LYN: variants seen among roughly 807,000 people sequenced by gnomAD.
The protein encoded by LYN is LYN proto-oncogene, Src family tyrosine kinase.
In LYN, 12 loss-of-function variants were observed where a neutral mutation model predicts 65.0. The observed-to-expected ratio is 0.18, with a 90% CI of 0.12 to 0.30. LYN has a LOEUF of 0.30. Ranked by LOEUF, LYN falls within the 10% of genes least tolerant of loss-of-function variation. LYN has a pLI of 1.00. For missense variants in LYN, 380 were observed against 623.2 expected, an observed-to-expected ratio of 0.61 and a Z score of 4.16; for synonymous variants, 222 against 221.2, an observed-to-expected ratio of 1.00 and a Z score of -0.03.
intron 1 of LYN, among the ~76,000 whole-genome samples, chr8:55,888,078 A>C (rs1804853998): frequency 6.6e-6 from 1 of 152,174 alleles, no homozygotes; most frequent in Non-Finnish European, 1.5e-5. Flanking sequence ...ATGCGCTGTA[A>C]ATGTTGTAAA....
intron 3 of LYN, among the ~76,000 whole-genome samples, chr8:55,947,008 GA>G (rs1192909251): frequency 4.6e-5 from 7 of 152,200 alleles, no homozygotes; most frequent in African/African-American, 1.7e-4. Context: ...AGCACTTTGG[GA>G]GGCCAAGTTA....
chr8:55,966,608 C>T (rs1297538972), intron 8 of LYN, 107 bp from the exon 9 acceptor site: 3 of 856,612 alleles, frequency 3.5e-6, no homozygotes, highest in Non-Finnish European at 5.4e-6. Context: ...CATCAGGTGA[C>T]CCACTCACCT....
chr8:55,971,693 C>G (rs1807613830), intron 10 of LYN, among the ~76,000 whole-genome samples: 1 of 152,198 alleles, frequency 6.6e-6, no homozygotes, highest in South Asian at 2.1e-4. Context: ...TTGGGTTTTG[C>G]ATGGCTTATC....
intron 4 of LYN, 115 bp downstream of exon 4, chr8:55,947,838 A>G (rs969669217): frequency 3.2e-5 from 23 of 721,376 alleles, no homozygotes; most frequent in Non-Finnish European, 5.1e-5. Flanking sequence ...CTTTCTTGTA[A>G]TGGGTATGAG....
intron 10 of LYN, among the ~76,000 whole-genome samples, chr8:55,990,238 C>T (rs930989319): frequency 7.2e-5 from 4 of 55,558 alleles, no homozygotes; most frequent in Non-Finnish European, 3.1e-5. Flanking sequence ...GACTCTGCCT[C>T]CAAAAAAAAA....
At chr8:55,949,817 G>A (rs2130490528) in intron 4 of LYN, among the ~76,000 whole-genome samples, 1 of 152,200 alleles carries the variant, frequency 6.6e-6, no homozygotes, top group Admixed American at 6.5e-5. Flanking sequence ...GTACAATTCA[G>A]TGATTTTTTT....
intron 1 of LYN, among the ~76,000 whole-genome samples, chr8:55,919,453 C>T (rs1348327891): frequency 6.6e-6 from 1 of 152,184 alleles, no homozygotes; most frequent in African/African-American, 2.4e-5. Context: ...ACTGCCGGGT[C>T]TGGAAACCCT....
At position 56,010,117 on chromosome 8, in the gene LYN, G is replaced by A. The variant is rs1808773799; in HGVS notation, c.*7G>A. 1.2e-6 allele frequency: 2 copies of A among 1,613,868 alleles called. No individual in the cohort carries two copies. The highest frequency in any genetic ancestry group is 1.3e-5 in the African/African-American group (1 of 74,936). On this transcript the variant is annotated 3_prime_UTR_variant, in exon 13 of 13. Transcript: ENST00000519728. ...ATACCAGCAGCAGCCTTAGAGCACAGGGAGACCCGTCCATTTGGCAGGGGT... is the reference window on the plus strand; with the variant it reads ...ATACCAGCAGCAGCCTTAGAGCACAAGGAGACCCGTCCATTTGGCAGGGGT...
chr8:55,928,646 T>C (rs1305091651), intron 1 of LYN, among the ~76,000 whole-genome samples: 1 of 152,224 alleles, frequency 6.6e-6, no homozygotes, highest in Non-Finnish European at 1.5e-5. Context: ...TTATTAGATA[T>C]ATATTTTGCA....
At chr8:55,887,460 C>A (rs758059771) in intron 1 of LYN, among the ~76,000 whole-genome samples, 2 of 150,924 alleles carry the variant, frequency 1.3e-5, no homozygotes, top group Non-Finnish European at 2.9e-5. Context: ...TACTTCTGTA[C>A]GTCTTTATAT....
rs528329054 is a variant in LYN, at chr8:55,992,606, C to T, written c.1051-5740C>T. The stretch of plus-strand genomic sequence containing the variant: ...CCCCAACCATTATGATGGTAACAGT[C>T]TACCTGTGAGGTTGCTCAAAGGCAA... On this transcript the variant is annotated intron_variant, in intron 10 of 12. Transcript: ENST00000519728. 2.0e-5 allele frequency among the ~76,000 whole-genome samples: 3 copies of T among 152,344 alleles called. No individual in the cohort carries two copies. The East Asian group carries it at 5.8e-4, about 29-fold the overall frequency.
chr8:55,900,024 C>T (rs1489837966), intron 1 of LYN, among the ~76,000 whole-genome samples: 1 of 152,086 alleles, frequency 6.6e-6, no homozygotes, highest in East Asian at 1.9e-4. Context: ...TGAACTTGGG[C>T]CTAGGATGTT....
chr8:55,938,262 T>A (rs751954482), intron 1 of LYN, among the ~76,000 whole-genome samples: 1 of 152,340 alleles, frequency 6.6e-6, no homozygotes, highest in Admixed American at 6.5e-5. Context: ...TGTAAAACTT[T>A]TGCAATGAAC....
intron 3 of LYN, 150 bp from the exon 4 acceptor site, chr8:55,947,468 G>A: frequency 1.6e-6 from 1 of 638,526 alleles, no homozygotes; most frequent in South Asian, 1.7e-5. Context: ...TGTGGGCCGT[G>A]CAGACCCTGA....
chr8:55,951,841 T>A (rs1806959775), intron 6 of LYN, 125 bp from the exon 7 acceptor site: 2 of 730,662 alleles, frequency 2.7e-6, no homozygotes, highest in Admixed American at 3.1e-5. Flanking sequence ...ATTATGCATT[T>A]TATACAAATT....
chr8:55,999,000 C>G (rs984774525), intron 11 of LYN, among the ~76,000 whole-genome samples: 4 of 152,110 alleles, frequency 2.6e-5, no homozygotes, highest in African/African-American at 9.7e-5. Context: ...CAAAAATGCA[C>G]AGAGAGGCCT....
At chr8:55,892,098 C>T (rs1260033957) in intron 1 of LYN, among the ~76,000 whole-genome samples, 1 of 152,230 alleles carries the variant, frequency 6.6e-6, no homozygotes, top group East Asian at 1.9e-4. Context: ...TCAGCAAAGG[C>T]TAAGAGATTC....
intron 10 of LYN, among the ~76,000 whole-genome samples, chr8:55,978,745 C>G (rs920886549): frequency 6.6e-6 from 1 of 152,182 alleles, no homozygotes; most frequent in African/African-American, 2.4e-5. Context: ...GACACGCAGT[C>G]AGAGAGCAGG....
intron 9 of LYN, among the ~76,000 whole-genome samples, chr8:55,967,568 A>C (rs1328221209): frequency 6.6e-6 from 1 of 152,144 alleles, no homozygotes; most frequent in Non-Finnish European, 1.5e-5. Context: ...TGCCTGCCTC[A>C]GCCTCTGAAA....
Sources: allele counts gnomAD v4.1 joint callset (sites outside exome capture counted in the v4.1 genomes callset), GRCh38; gene constraint gnomAD v4.1.1; transcripts MANE v1.5; gene names NCBI Gene and HGNC (gene_info 2026-07-23, HGNC 2026-07-21).